The following BRCA1 variants were observed in gnomAD, a reference collection of about 807,000 sequenced individuals.
BRCA1 encodes the protein BRCA1 DNA repair associated, also known as breast cancer type 1 susceptibility protein.
A neutral mutation model predicts 173.7 loss-of-function variants in BRCA1; 140 were observed. The ratio of observed to expected loss-of-function variants is 0.81; its 90% confidence interval spans 0.70 to 0.93. The LOEUF (loss-of-function observed/expected upper bound fraction) is 0.93, where lower values mean the gene tolerates loss of function less well. BRCA1 is among the 40% of genes least tolerant of loss of function. The probability of loss-of-function intolerance (pLI) is 0.00; values close to 1 mark genes in which losing one functional copy is unlikely to be tolerated. For missense variants in BRCA1, 1,983 were observed against 2,172.5 expected (o/e 0.91, Z 1.73); for synonymous variants, 662 against 756.0 (o/e 0.88, Z 2.04).
intron 19 of BRCA1, among the ~76,000 whole-genome samples, chr17:43,055,555 C>T (rs749619044): frequency 2.0e-5 from 3 of 152,110 alleles, no homozygotes; most frequent in South Asian, 2.1e-4. Flanking sequence ...GAGCCTGAGG[C>T]GGGCAGATGA....
At chr17:43,052,780 A>AACACACACACAC (rs562562021) in intron 19 of BRCA1, among the ~76,000 whole-genome samples, 11 of 118,098 alleles carry the variant, frequency 9.3e-5, no homozygotes, top group African/African-American at 3.7e-4. Flanking sequence ...GACGGACAGA[A>AACACACACACAC]ACACACACAC....
chr17:43,062,602 ATTTT>A (rs869283374), intron 18 of BRCA1, among the ~76,000 whole-genome samples: 1 of 146,370 alleles, frequency 6.8e-6, no homozygotes, highest in African/African-American at 2.5e-5. Flanking sequence ...GCGCTGCAAA[ATTTT>A]TTTTTTTTTT....
At chr17:43,136,795 G>C (rs1285969671) in intron 1 of BRCA1, among the ~76,000 whole-genome samples, 8 of 152,176 alleles carry the variant, frequency 5.3e-5, no homozygotes, top group Non-Finnish European at 1.0e-4. Flanking sequence ...GTGCTGGAGA[G>C]GATGTGGAGA....
At chr17:43,063,853 G>C (rs2153581002) in intron 17 of BRCA1, 21 bp downstream of exon 17, 1 of 1,594,188 alleles carries the variant, frequency 6.3e-7, no homozygotes. Context: ...GGGAGGAGGG[G>C]AGAAATAGTA....
At chr17:43,084,091 C>T (rs975677510) in intron 11 of BRCA1, among the ~76,000 whole-genome samples, 38 of 150,474 alleles carry the variant, frequency 2.5e-4, no homozygotes, top group African/African-American at 8.8e-4. Context: ...AGTGCAGTGG[C>T]GCAATCTTGG....
intron 21 of BRCA1, 120 bp downstream of exon 21, chr17:43,049,001 G>A (rs1390692801): frequency 1.1e-6 from 1 of 913,346 alleles, no homozygotes; most frequent in Non-Finnish European, 1.8e-6. Context: ...GCACAGGTAT[G>A]TGGGCAGAGA....
At chr17:43,082,642 A>G in intron 11 of BRCA1, 67 bp from the exon 12 acceptor site, 2 of 1,532,958 alleles carry the variant, frequency 1.3e-6, no homozygotes, top group South Asian at 1.1e-5. Context: ...AAATGAAAAT[A>G]TATCATACAA....
chr17:43,052,878 G>T (rs1211690763), intron 19 of BRCA1, among the ~76,000 whole-genome samples: 7 of 130,372 alleles, frequency 5.4e-5, no homozygotes, highest in Admixed American at 2.3e-4. Context: ...AAGTCTGTGT[G>T]TTTTTTTTTT....
chr17:43,100,672 A>AT (rs1433391664), intron 6 of BRCA1, among the ~76,000 whole-genome samples: 2 of 18,512 alleles, frequency 1.1e-4, no homozygotes, highest in Admixed American at 9.5e-4. Context: ...ATATATATAT[A>AT]TATATAATAT....
chr17:43,151,888 CCT>C (rs1443677015), intron 1 of BRCA1, among the ~76,000 whole-genome samples: 1 of 152,098 alleles, frequency 6.6e-6, no homozygotes, highest in Non-Finnish European at 1.5e-5. Context: ...AGAGCAATAC[CCT>C]GTCTCTTAAA....
rs867654871 is a variant in BRCA1 at position 43,092,907 on chromosome 17, G to C, written c.2624C>G (p.Pro875Arg). 1 of 1,613,802 alleles carries C rather than the reference G, an allele frequency of 6.2e-7. No homozygotes were observed. The highest frequency in any genetic ancestry group is 8.5e-7 in the Non-Finnish European group (1 of 1,179,988). Reference sequence around the variant, plus strand: ...TGCACATTCCTCTTCTGCATTTCCTGGATTTGAAAACGGAGCAAATGACTG... The same window carrying C: ...TGCACATTCCTCTTCTGCATTTCCTCGATTTGAAAACGGAGCAAATGACTG... ...KRQSFAPFSN[P>R]GNAEEECATF... is the part of the protein sequence containing the mutation. The change falls in exon 10 of 23, where the codon CCA (proline) becomes CGA (arginine). Residue 875 changes from proline (P) to arginine (R), a missense_variant. Transcript: ENST00000357654.
intron 8 of BRCA1, among the ~76,000 whole-genome samples, chr17:43,096,473 G>T (rs560796663): frequency 6.6e-6 from 1 of 150,646 alleles, no homozygotes; most frequent in Non-Finnish European, 1.5e-5. Flanking sequence ...TCGTGAGATT[G>T]AGACAGGAGA....
intron 1 of BRCA1, among the ~76,000 whole-genome samples, chr17:43,168,960 A>G (rs1251233066): frequency 6.6e-6 from 1 of 151,004 alleles, no homozygotes; most frequent in Non-Finnish European, 1.5e-5. Context: ...CCAGCGACCC[A>G]CTCTCATCTC....
chr17:43,121,034 C>T (rs2055535461), intron 2 of BRCA1, among the ~76,000 whole-genome samples: 1 of 151,048 alleles, frequency 6.6e-6, no homozygotes, highest in Admixed American at 6.6e-5. Flanking sequence ...GGCGCCACTG[C>T]ACTCCAGCCT....
intron 1 of BRCA1, among the ~76,000 whole-genome samples, chr17:43,159,230 G>A (rs1390428760): frequency 4.6e-5 from 7 of 152,182 alleles, no homozygotes; most frequent in Admixed American, 2.0e-4. Flanking sequence ...CCAGCCTCTC[G>A]ACAGAGATCC....
intron 14 of BRCA1, among the ~76,000 whole-genome samples, chr17:43,073,267 T>C (rs1164702938): frequency 3.3e-5 from 5 of 152,124 alleles, no homozygotes; most frequent in Admixed American, 3.3e-4. Context: ...TTGAAAAATG[T>C]GGCAAATGCT....
intron 1 of BRCA1, among the ~76,000 whole-genome samples, chr17:43,168,941 T>C (rs1597950536): frequency 6.6e-6 from 1 of 152,060 alleles, no homozygotes; most frequent in African/African-American, 2.4e-5. Flanking sequence ...TCCCTGCCCC[T>C]AGCCTTTCCC....
At chr17:43,110,560 C>T in intron 3 of BRCA1, 1 of 439,480 alleles carries the variant, frequency 2.3e-6, no homozygotes, top group Non-Finnish European at 4.6e-6. Flanking sequence ...TGTACTCCAG[C>T]TGGGACAACA....
At chr17:43,151,955 G>A (rs1440906352) in intron 1 of BRCA1, among the ~76,000 whole-genome samples, 3 of 152,176 alleles carry the variant, frequency 2.0e-5, no homozygotes, top group African/African-American at 7.2e-5. Flanking sequence ...TTAAGTGCCA[G>A]AGACTGTGCT....
Sources: allele counts gnomAD v4.1 joint callset (sites outside exome capture counted in the v4.1 genomes callset), GRCh38; gene constraint gnomAD v4.1.1; transcripts MANE v1.5; gene names NCBI Gene and HGNC (gene_info 2026-07-23, HGNC 2026-07-21).